The following PLXNA4 variants were observed in gnomAD, a reference collection of about 807,000 sequenced individuals.
PLXNA4 encodes the protein plexin-A4.
Under a neutral mutation model 191.8 loss-of-function variants are expected in PLXNA4, and 44 were observed. The ratio of observed to expected loss-of-function variants is 0.23; its 90% CI spans 0.18 to 0.29. The LOEUF (loss-of-function observed/expected upper bound fraction) is 0.29. Among genes scored for constraint, PLXNA4 ranks in the 10% least tolerant of loss-of-function variants. PLXNA4 has a pLI of 1.00. For synonymous variants in PLXNA4, 1,082 were observed against 1,009.5 expected (o/e 1.07, Z -1.36); for missense variants, 1,800 against 2,488.8 (o/e 0.72, Z 5.89).
At chr7:132,148,779 C>G in intron 25 of PLXNA4, 133 bp from the exon 26 acceptor site, 1 of 1,367,246 alleles carries the variant, frequency 7.3e-7, no homozygotes, top group Non-Finnish European at 9.7e-7. Context: ...CATGCTCCTG[C>G]GAAAATGGAG....
At chr7:132,386,546 T>G (rs114226844) in intron 3 of PLXNA4, among the ~76,000 whole-genome samples, 2,975 of 152,156 alleles carry the variant, frequency 0.02, 94 homozygotes, top group African/African-American at 0.069. Flanking sequence ...TCATGCTTAG[T>G]GGGGAAGGGA....
chr7:132,337,310 T>G (rs1330117994), intron 3 of PLXNA4, among the ~76,000 whole-genome samples: 2 of 152,228 alleles, frequency 1.3e-5, no homozygotes, highest in Non-Finnish European at 2.9e-5. Context: ...CACATGCATG[T>G]TCATACACAC....
intron 24 of PLXNA4, among the ~76,000 whole-genome samples, chr7:132,160,245 A>AAAAT (rs1189494771): frequency 2.6e-5 from 4 of 152,188 alleles, no homozygotes; most frequent in African/African-American, 7.2e-5. Flanking sequence ...GTATTCTTTA[A>AAAAT]AAATAAAAAG....
intron 25 of PLXNA4, among the ~76,000 whole-genome samples, chr7:132,149,064 A>G (rs556573829): frequency 6.6e-6 from 1 of 152,300 alleles, no homozygotes; most frequent in East Asian, 1.9e-4. Flanking sequence ...AGCTGATGAA[A>G]TCAAGGCTGT....
intron 3 of PLXNA4, among the ~76,000 whole-genome samples, chr7:132,420,578 C>T (rs551972582): frequency 6.6e-6 from 1 of 152,334 alleles, no homozygotes; most frequent in South Asian, 2.1e-4. Context: ...GAAGAACACT[C>T]AGTTCTTTTC....
intron 1 of PLXNA4, among the ~76,000 whole-genome samples, chr7:132,562,486 C>T (rs1801244307): frequency 7.6e-6 from 1 of 131,532 alleles, no homozygotes; most frequent in Non-Finnish European, 1.6e-5. Flanking sequence ...TCCTCCTTCT[C>T]TTCCTCTTTC....
intron 27 of PLXNA4, among the ~76,000 whole-genome samples, chr7:132,147,065 T>A (rs975916632): frequency 1.8e-4 from 27 of 152,366 alleles, no homozygotes; most frequent in African/African-American, 6.5e-4. Context: ...GCCAATTAAG[T>A]ACATACTTAA....
Position 132,362,560 on chromosome 7 carries a change from G to T in PLXNA4, c.1372-64338C>A, listed in dbSNP as rs936758837. The stretch of plus-strand genomic sequence containing the variant: ...TGATAGTGACTTCCTATAGTGCTGT[G>T]TTAAGAATGACTATGGGGTTGAATT... On this transcript the variant is annotated intron_variant, in intron 3 of 31. Coordinates refer to ENST00000321063, the MANE Select transcript of PLXNA4 (RefSeq NM_020911.2). Among the ~76,000 whole-genome samples the T allele has an allele frequency of 1.3e-5, 2 of 152,228 alleles. 1 individual carries two copies. Among genetic ancestry groups the T allele is most frequent in the South Asian group, 4.1e-4 (2 of 4,830 alleles).
rs962702271 is a variant in PLXNA4, at chr7:132,331,813, C to T, written c.1372-33591G>A. Among the ~76,000 whole-genome samples the T allele has an allele frequency of 9.2e-5, 14 of 152,106 alleles. 1 individual carries two copies. The highest frequency in any genetic ancestry group is 2.1e-4 in the South Asian group (1 of 4,810). Reference sequence around the variant, plus strand: ...CCAGTGTGCCCTGTGAGGTACAGGGCGGGTTCTATAGGATGGGGATTCTTG... The same window carrying T: ...CCAGTGTGCCCTGTGAGGTACAGGGTGGGTTCTATAGGATGGGGATTCTTG... On this transcript the variant is annotated intron_variant, in intron 3 of 31. Coordinates refer to ENST00000321063, the MANE Select transcript of PLXNA4 (RefSeq NM_020911.2).
At chr7:132,557,354 CA>C (rs1264092364) in intron 1 of PLXNA4, among the ~76,000 whole-genome samples, 1 of 152,100 alleles carries the variant, frequency 6.6e-6, no homozygotes, top group Non-Finnish European at 1.5e-5. Flanking sequence ...AACTTGCCAG[CA>C]CAGCCAGGAT....
intron 3 of PLXNA4, among the ~76,000 whole-genome samples, chr7:132,368,128 G>A (rs1212399152): frequency 6.6e-6 from 1 of 152,086 alleles, no homozygotes; most frequent in Non-Finnish European, 1.5e-5. Flanking sequence ...GAAATGGGCT[G>A]GACAGCAGGG....
intron 1 of PLXNA4, among the ~76,000 whole-genome samples, chr7:132,648,229 C>T (rs1803923153): frequency 1.3e-5 from 2 of 152,126 alleles, no homozygotes; most frequent in African/African-American, 4.8e-5. Context: ...ACTCACACAT[C>T]GTGTATGTCC....
chr7:132,532,565 CAT>C (rs1455995783), intron 1 of PLXNA4, among the ~76,000 whole-genome samples: 1 of 152,204 alleles, frequency 6.6e-6, no homozygotes, highest in East Asian at 1.9e-4. Flanking sequence ...CATTATCCTT[CAT>C]ATGTTTTATT....
chr7:132,232,252 T>C (rs1798548794), intron 5 of PLXNA4, among the ~76,000 whole-genome samples: 1 of 152,110 alleles, frequency 6.6e-6, no homozygotes, highest in Non-Finnish European at 1.5e-5. Flanking sequence ...CTAAAGCATG[T>C]CCCTCAGCTC....
intron 30 of PLXNA4, among the ~76,000 whole-genome samples, chr7:132,138,997 T>G (rs1795190602): frequency 6.6e-6 from 1 of 152,222 alleles, no homozygotes; most frequent in African/African-American, 2.4e-5. Flanking sequence ...CTCTCCCTGC[T>G]GAAGAATTGG....
chr7:132,623,296 A>G (rs1803306890), intron 2 of PLXNA4, among the ~76,000 whole-genome samples: 1 of 152,100 alleles, frequency 6.6e-6, no homozygotes, highest in South Asian at 2.1e-4. Context: ...AAGTGAGCTG[A>G]GATCACACCA....
At chr7:132,615,673 G>C (rs934856560) in intron 2 of PLXNA4, among the ~76,000 whole-genome samples, 1 of 152,174 alleles carries the variant, frequency 6.6e-6, no homozygotes, top group Non-Finnish European at 1.5e-5. Context: ...GGAGTGAGCA[G>C]GGAAGTGACG....
intron 1 of PLXNA4, among the ~76,000 whole-genome samples, chr7:132,555,098 A>C (rs1308170521): frequency 6.7e-6 from 1 of 148,638 alleles, no homozygotes; most frequent in Admixed American, 6.8e-5. Flanking sequence ...TGGCAAAAAA[A>C]CCACATTATC....
intron 3 of PLXNA4, among the ~76,000 whole-genome samples, chr7:132,351,609 C>T (rs1410802597): frequency 1.3e-5 from 2 of 152,314 alleles, no homozygotes; most frequent in African/African-American, 4.8e-5. Flanking sequence ...CTTTGAGGTA[C>T]TTCCCATCCA....
Sources: gnomAD v4.1 joint callset for allele counts (sites outside exome capture counted in the v4.1 genomes callset) on GRCh38, gnomAD v4.1.1 for gene constraint, MANE v1.5 for transcripts, NCBI Gene and HGNC (gene_info 2026-07-23, HGNC 2026-07-21) for gene names.